The following ELMO2 variants were observed in gnomAD, a reference collection of about 807,000 sequenced individuals.
The protein encoded by ELMO2 is engulfment and cell motility 2.
A neutral mutation model predicts 96.2 loss-of-function variants in ELMO2; 37 were observed. The ratio of observed to expected loss-of-function variants is 0.38; its 90% confidence interval spans 0.30 to 0.51. The LOEUF is 0.51. Among genes scored for constraint, ELMO2 ranks in the 20% least tolerant of loss-of-function variants. The probability of loss-of-function intolerance (pLI) is 0.88; values close to 1 mark genes in which losing one functional copy is unlikely to be tolerated. For synonymous variants in ELMO2, 315 were observed against 329.4 expected, an observed-to-expected ratio of 0.96 and a Z score of 0.47; for missense variants, 561 against 912.6, an observed-to-expected ratio of 0.61 and a Z score of 4.96.
Position 46,379,214 on chromosome 20 carries a change from G to A in ELMO2, c.807+1039C>T, listed in dbSNP as rs182027425. The stretch of plus-strand genomic sequence containing the variant: ...TCACCATGTCGGTCAGGCTGGTCTC[G>A]AACTCCTGACCTCAGGCAATCCACC... On this transcript the variant is annotated intron_variant, in intron 11 of 21. Coordinates refer to ENST00000290246, the MANE Select transcript of ELMO2 (RefSeq NM_133171.5). Among the ~76,000 whole-genome samples, 832 of 151,994 alleles carry A rather than the reference G, an allele frequency of 5.5e-3. 10 individuals are homozygous for A. Among genetic ancestry groups the A allele is most frequent in the African/African-American group, 0.019 (775 of 41,432 alleles).
intron 10 of ELMO2, chr20:46,382,351 G>A: frequency 1.0e-6 from 1 of 1,001,196 alleles, no homozygotes; most frequent in Non-Finnish European, 1.4e-6. Flanking sequence ...ATCCAAGAAA[G>A]ACAAGGACAG....
rs2059811034 is a variant in ELMO2, at chr20:46,374,447, G to A, written c.1171-7C>T. On this transcript the variant is annotated splice_region_variant and splice_polypyrimidine_tract_variant and intron_variant, in intron 14 of 21. Coordinates refer to ENST00000290246, the MANE Select transcript of ELMO2 (RefSeq NM_133171.5). ...TACTGTTCTCCAAGACAATCTGTCG[G>A]GGGAAGAGAAAGGGAGGATTAGGGA... is the stretch of plus-strand genomic sequence containing the variant. The A allele has an allele frequency of 3.7e-6, 6 of 1,613,874 alleles. No homozygotes were observed. Among genetic ancestry groups the A allele is most frequent in the Non-Finnish European group, 5.1e-6 (6 of 1,179,906 alleles).
At chr20:46,368,993 G>C (rs1443251675) in intron 20 of ELMO2, 25 bp from the exon 21 acceptor site, 1 of 1,611,562 alleles carries the variant, frequency 6.2e-7, no homozygotes, top group Non-Finnish European at 8.5e-7. Context: ...GTTTAAATTA[G>C]AGCGATGGAA....
At chr20:46,391,879 T>C (rs1344879584) in intron 6 of ELMO2, among the ~76,000 whole-genome samples, 5 of 150,220 alleles carry the variant, frequency 3.3e-5, no homozygotes, top group African/African-American at 7.5e-5. Flanking sequence ...ATGAATGCTT[T>C]ACCTGCTTTT....
chr20:46,370,762 G>A, intron 19 of ELMO2, among the ~76,000 whole-genome samples: 1 of 152,160 alleles, frequency 6.6e-6, no homozygotes, highest in South Asian at 2.1e-4. Flanking sequence ...CTAACTGAGG[G>A]TCACTTCAGG....
At chr20:46,397,968 C>T (rs536285785) in intron 2 of ELMO2, among the ~76,000 whole-genome samples, 4 of 152,194 alleles carry the variant, frequency 2.6e-5, no homozygotes, top group African/African-American at 7.2e-5. Flanking sequence ...TTCCTATGCT[C>T]GGGGTACCTG....
At position 46,374,241 on chromosome 20, in the gene ELMO2, C is replaced by CCCACTGA. The variant is rs1249723022; in HGVS notation, c.1279+84_1279+90dup. On this transcript the variant is annotated intron_variant, in intron 15 of 21. Coordinates refer to ENST00000290246, the MANE Select transcript of ELMO2 (RefSeq NM_133171.5). ...ACAGGTGTGAACCACCACGCCCGAC[C>CCCACTGA]CCACTGACATGTAACTGTTTATAAT... 5.9e-5 allele frequency: 62 copies of CCCACTGA among 1,058,556 alleles called. No individual in the cohort carries two copies. The African/African-American group carries it at 8.2e-4, about 14-fold the overall frequency. The allele number at this position is 1,058,556 out of a possible 1,614,324, so 65.6% of individuals were successfully genotyped here.
intron 21 of ELMO2, 104 bp downstream of exon 21, chr20:46,368,787 G>T: frequency 1.6e-6 from 2 of 1,217,128 alleles, no homozygotes; most frequent in Non-Finnish European, 2.4e-6. Flanking sequence ...AATATACACT[G>T]CAGCCACCCA....
chr20:46,387,478 C>G (rs1177231856), intron 7 of ELMO2, 41 bp from the exon 8 acceptor site: 6 of 1,551,480 alleles, frequency 3.9e-6, no homozygotes, highest in Non-Finnish European at 5.3e-6. Context: ...GACAAAGATT[C>G]AGATCGGGAA....
At chr20:46,406,394 C>A (rs1361988056) in intron 1 of ELMO2, among the ~76,000 whole-genome samples, 154 bp downstream of exon 1, 1 of 152,128 alleles carries the variant, frequency 6.6e-6, no homozygotes, top group Non-Finnish European at 1.5e-5. Flanking sequence ...GACGAGCCGG[C>A]GCGGTCCAGC....
rs2059829139 is a variant in ELMO2 at position 46,375,015 on chromosome 20, C to A, written c.1065+221G>T. 6.6e-6 allele frequency among the ~76,000 whole-genome samples: 1 copy of A among 152,192 alleles called. No homozygotes were observed. Among genetic ancestry groups the A allele is most frequent in the Non-Finnish European group, 1.5e-5 (1 of 68,040 alleles). Reference sequence around the variant, plus strand: ...TCTACCCACTCTAGCTGACCGCAACCCCCCTACAGATGGATTCGTTTCACA... The same window carrying A: ...TCTACCCACTCTAGCTGACCGCAACACCCCTACAGATGGATTCGTTTCACA... On this transcript the variant is annotated intron_variant, in intron 13 of 21. Transcript: ENST00000290246. The surrounding 1 kb of genome is among the most constrained non-coding windows in gnomAD (Gnocchi z 4.6).
At chr20:46,405,443 T>C (rs2060415598) in intron 1 of ELMO2, among the ~76,000 whole-genome samples, 1 of 152,064 alleles carries the variant, frequency 6.6e-6, no homozygotes, top group Non-Finnish European at 1.5e-5. Flanking sequence ...GGCCAGTGTG[T>C]GGAGAGCACT....
At chr20:46,368,149 C>T (rs1392169608) in intron 21 of ELMO2, among the ~76,000 whole-genome samples, 1 of 152,134 alleles carries the variant, frequency 6.6e-6, no homozygotes, top group Non-Finnish European at 1.5e-5. Flanking sequence ...TCACCTGGTT[C>T]CCCACTTGCT....
At chr20:46,383,069 A>G (rs2059984854) in intron 10 of ELMO2, among the ~76,000 whole-genome samples, 1 of 152,196 alleles carries the variant, frequency 6.6e-6, no homozygotes, top group Non-Finnish European at 1.5e-5. Context: ...AGCCATACCC[A>G]TTCATTTACC....
In ELMO2 at chr20:46,375,210, C is replaced by T. The variant is rs974965533; in HGVS notation, c.1065+26G>A. The T allele has an allele frequency of 3.1e-6, 5 of 1,608,424 alleles. No homozygotes were observed. The African/African-American group carries it at 4.0e-5, about 13-fold the overall frequency. On this transcript the variant is annotated intron_variant, in intron 13 of 21. Transcript: ENST00000290246. This position sits in a 1 kb window ranked among gnomAD's most constrained non-coding sequence, Gnocchi z 4.6. ...CTTCCCATCAGGGGAGAGGGCCTAC[C>T]ACCGTCTATGCTCTGAGGTACTTAC...
intron 11 of ELMO2, among the ~76,000 whole-genome samples, chr20:46,379,153 C>T (rs1288505673): frequency 6.6e-6 from 1 of 152,112 alleles, no homozygotes; most frequent in Non-Finnish European, 1.5e-5. Context: ...ATCACCACGC[C>T]CGGCTAATTT....
chr20:46,405,159 G>A (rs1362332721), intron 1 of ELMO2, among the ~76,000 whole-genome samples: 2 of 152,218 alleles, frequency 1.3e-5, no homozygotes, highest in African/African-American at 4.8e-5. Context: ...GGGATGGACA[G>A]AGAAATATCA....
At position 46,382,120 on chromosome 20, in the gene ELMO2, C is replaced by G. The variant is rs1415986657; in HGVS notation, c.756+1296G>C. 5.1e-6 allele frequency: 6 copies of G among 1,177,490 alleles called. No homozygotes were observed. In the East Asian group the frequency reaches 2.3e-4, roughly 45 times the overall value. The allele number at this position is 1,177,490 out of a possible 1,614,324, so 72.9% of individuals were successfully genotyped here. A position where few individuals can be genotyped will look rare whatever the true frequency, so the allele number is the denominator to read the frequency against. ...CTGGGTCTTGGCATGCCCTGAACATCTAGATCAGACCATGAGATTCTTGCC... is the reference window on the plus strand; with the variant it reads ...CTGGGTCTTGGCATGCCCTGAACATGTAGATCAGACCATGAGATTCTTGCC... On this transcript the variant is annotated intron_variant, in intron 10 of 21. Transcript: ENST00000290246.
chr20:46,394,654 G>A, intron 2 of ELMO2, 122 bp from the exon 3 acceptor site: 1 of 720,356 alleles, frequency 1.4e-6, no homozygotes, highest in Admixed American at 2.7e-5. Flanking sequence ...TACCTGGTTT[G>A]AATTTTTCTA....
Sources: allele counts gnomAD v4.1 joint callset (sites outside exome capture counted in the v4.1 genomes callset), GRCh38; gene constraint gnomAD v4.1.1; non-coding constraint Gnocchi (gnomAD v3.1); transcripts MANE v1.5; gene names NCBI Gene and HGNC (gene_info 2026-07-23, HGNC 2026-07-21).